The following NEGR1 variants were observed in gnomAD, a reference collection of about 807,000 sequenced individuals.
NEGR1 encodes the protein IgLON family member 4.
Under a neutral mutation model 40.9 loss-of-function variants are expected in NEGR1, and 10 were observed. That is an observed-to-expected ratio of 0.24 (90% CI 0.15 to 0.42). The LOEUF is 0.42. Ranked by LOEUF, NEGR1 falls within the 10% of genes least tolerant of loss-of-function variation. NEGR1 has a pLI of 1.00. For synonymous variants in NEGR1, 185 were observed against 166.8 expected (o/e 1.11, Z -0.84); for missense variants, 352 against 438.9 (o/e 0.80, Z 1.77).
intron 1 of NEGR1, among the ~76,000 whole-genome samples, chr1:71,941,137 C>G (rs1645955410): frequency 1.3e-5 from 2 of 152,152 alleles, no homozygotes; most frequent in African/African-American, 2.4e-5. Context: ...CTCTTCATTG[C>G]ATCATAAAGT....
intron 6 of NEGR1, among the ~76,000 whole-genome samples, chr1:71,451,492 C>A (rs1176777091): frequency 6.6e-6 from 1 of 151,990 alleles, no homozygotes; most frequent in East Asian, 1.9e-4. Flanking sequence ...CGCCACCACG[C>A]CCAGATAATT....
intron 2 of NEGR1, among the ~76,000 whole-genome samples, chr1:71,795,485 A>G (rs1268684967): frequency 1.3e-5 from 2 of 152,078 alleles, no homozygotes; most frequent in African/African-American, 4.8e-5. Context: ...AAAAACTTGA[A>G]TTGCCATCTA....
At chr1:71,799,433 C>T (rs573072001) in intron 2 of NEGR1, among the ~76,000 whole-genome samples, 8 of 152,250 alleles carry the variant, frequency 5.3e-5, no homozygotes, top group African/African-American at 1.9e-4. Context: ...TTTTCTTTAT[C>T]CAGTCTAACA....
intron 6 of NEGR1, among the ~76,000 whole-genome samples, chr1:71,519,643 TG>T (rs1647139659): frequency 8.0e-6 from 1 of 125,412 alleles, no homozygotes; most frequent in Admixed American, 8.3e-5. Flanking sequence ...GACACGTTAG[TG>T]GGTGCAGCGC....
intron 3 of NEGR1, among the ~76,000 whole-genome samples, chr1:71,699,356 T>A (rs1203471470): frequency 1.3e-5 from 2 of 151,884 alleles, no homozygotes; most frequent in African/African-American, 2.4e-5. Flanking sequence ...CAGATAACTA[T>A]GAGTTTGCTA....
At chr1:72,148,093 A>G (rs1046254579) in intron 1 of NEGR1, among the ~76,000 whole-genome samples, 1 of 151,864 alleles carries the variant, frequency 6.6e-6, no homozygotes, top group Admixed American at 6.6e-5. Context: ...ACTAGGCTGT[A>G]CCACAGTAGA....
Position 71,404,977 on chromosome 1 carries a change from C to T in NEGR1, c.*2469G>A, listed in dbSNP as rs1646268999. ...TGACAATATTGAACTCATAAATACT[C>T]ATGATTTCACTCTGTCCGAGGGCCT... On this transcript the variant is annotated 3_prime_UTR_variant, in exon 7 of 7. Transcript: ENST00000357731. The T allele has an allele frequency of 6.6e-6, 1 of 152,144 alleles. No homozygotes were observed. The highest frequency in any genetic ancestry group is 6.6e-5 in the Admixed American group (1 of 15,198). 9.4% of individuals were successfully genotyped at this position (152,144 alleles called of 1,614,324 possible). A position where few individuals can be genotyped will look rare whatever the true frequency, so the allele number is the denominator to read the frequency against.
intron 2 of NEGR1, among the ~76,000 whole-genome samples, chr1:71,808,028 A>T (rs554506192): frequency 8.7e-4 from 133 of 152,306 alleles, no homozygotes; most frequent in African/African-American, 3.1e-3. Flanking sequence ...TATGTCAAAC[A>T]ATAAATAACT....
intron 1 of NEGR1, among the ~76,000 whole-genome samples, chr1:72,005,968 G>T (rs1329799559): frequency 6.6e-6 from 1 of 152,026 alleles, no homozygotes; most frequent in African/African-American, 2.4e-5. Flanking sequence ...TATATAATAT[G>T]TATCTTTTTC....
chr1:71,903,836 AT>A (rs1472960557), intron 2 of NEGR1, among the ~76,000 whole-genome samples: 1 of 151,640 alleles, frequency 6.6e-6, no homozygotes, highest in African/African-American at 2.4e-5. Context: ...ATATATATAT[AT>A]AAAAAATGAT....
chr1:72,152,852 G>A (rs574820929), intron 1 of NEGR1, among the ~76,000 whole-genome samples: 15 of 151,784 alleles, frequency 9.9e-5, no homozygotes, highest in Admixed American at 4.6e-4. Flanking sequence ...TGCAGTCAGG[G>A]GTCAAATCCT....
chr1:71,643,953 G>A (rs150924020), intron 4 of NEGR1, among the ~76,000 whole-genome samples: 10 of 151,944 alleles, frequency 6.6e-5, no homozygotes, highest in Non-Finnish European at 1.5e-4. Flanking sequence ...TTAACTTCCT[G>A]TGGAAAAAAT....
intron 4 of NEGR1, among the ~76,000 whole-genome samples, chr1:71,670,792 G>T (rs1047440049): frequency 6.6e-6 from 1 of 151,964 alleles, no homozygotes; most frequent in African/African-American, 2.4e-5. Flanking sequence ...CTGGCCCATA[G>T]ATATGTCTCT....
chr1:71,962,298 T>A (rs1646172036), intron 1 of NEGR1, among the ~76,000 whole-genome samples: 1 of 152,060 alleles, frequency 6.6e-6, no homozygotes, highest in Non-Finnish European at 1.5e-5. Context: ...TACACAGATA[T>A]GTCAGGGGAT....
In NEGR1 at chr1:72,203,980, T is replaced by G. The variant is rs114523747; in HGVS notation, c.176+78339A>C. ...CTATTGTACACTTAATAGACTTCAG[T>G]GTAGTATAAACACAAGTTTTGTGGG... On this transcript the variant is annotated intron_variant, in intron 1 of 6. Coordinates refer to ENST00000357731, the MANE Select transcript of NEGR1 (RefSeq NM_173808.3). Among the ~76,000 whole-genome samples, 1,176 of 152,236 alleles carry G rather than the reference T, an allele frequency of 7.7e-3. 10 individuals carry two copies. The highest frequency in any genetic ancestry group is 0.026 in the African/African-American group (1,084 of 41,574).
At chr1:72,027,669 T>A (rs1455010608) in intron 1 of NEGR1, among the ~76,000 whole-genome samples, 1 of 152,178 alleles carries the variant, frequency 6.6e-6, no homozygotes, top group Non-Finnish European at 1.5e-5. Context: ...TAAAGCTATA[T>A]AAATAATCAT....
At chr1:71,976,816 A>G (rs1215089663) in intron 1 of NEGR1, among the ~76,000 whole-genome samples, 2 of 152,202 alleles carry the variant, frequency 1.3e-5, no homozygotes, top group African/African-American at 4.8e-5. Context: ...AATGTCAACA[A>G]GAAAAAAACA....
intron 1 of NEGR1, among the ~76,000 whole-genome samples, chr1:72,105,900 CAGA>C (rs1408472100): frequency 6.6e-5 from 10 of 152,074 alleles, no homozygotes; most frequent in Middle Eastern, 3.4e-3. Flanking sequence ...TTACTGAGAG[CAGA>C]AGATTTTTGG....
chr1:72,241,211 A>G (rs1257436240), intron 1 of NEGR1, among the ~76,000 whole-genome samples: 3 of 151,706 alleles, frequency 2.0e-5, no homozygotes, highest in Non-Finnish European at 4.4e-5. Context: ...ACATTTAAGG[A>G]ATCATTATGA....
Sources: allele counts gnomAD v4.1 joint callset (sites outside exome capture counted in the v4.1 genomes callset), GRCh38; gene constraint gnomAD v4.1.1; transcripts MANE v1.5; gene names NCBI Gene and HGNC (gene_info 2026-07-23, HGNC 2026-07-21).